Variants in HLCS observed in about 807,000 individuals in gnomAD.
HLCS encodes holocarboxylase synthetase, also known as biotin--protein ligase.
In HLCS, 53 loss-of-function variants were observed where a neutral mutation model predicts 75.0. The observed-to-expected ratio is 0.71, with a 90% confidence interval of 0.57 to 0.89. HLCS has a LOEUF of 0.89. Among genes scored for constraint, HLCS ranks in the 40% least tolerant of loss-of-function variants. HLCS has a pLI of 0.00. For missense variants in HLCS, 966 were observed against 1,074.0 expected (o/e 0.90, Z 1.41); for synonymous variants, 431 against 428.6 (o/e 1.01, Z -0.07).
intron 6 of HLCS, among the ~76,000 whole-genome samples, chr21:36,878,087 G>A (rs1010621888): frequency 6.6e-6 from 1 of 151,868 alleles, no homozygotes; most frequent in Non-Finnish European, 1.5e-5. Flanking sequence ...ATCTGGCTTG[G>A]AGTTTGCTGA....
chr21:36,797,981 T>C (rs150101865), intron 6 of HLCS, among the ~76,000 whole-genome samples: 1,663 of 152,238 alleles, frequency 0.011, 11 homozygotes, highest in Non-Finnish European at 0.017. Context: ...GTTGTGGGGT[T>C]AGAGAAGAAG....
intron 6 of HLCS, among the ~76,000 whole-genome samples, chr21:36,872,252 C>A (rs1018016353): frequency 6.6e-6 from 1 of 152,036 alleles, no homozygotes; most frequent in African/African-American, 2.4e-5. Context: ...GAAACCCCGT[C>A]TCTACTAAAA....
At chr21:36,792,212 C>G (rs1225827483) in intron 6 of HLCS, among the ~76,000 whole-genome samples, 2 of 152,082 alleles carry the variant, frequency 1.3e-5, no homozygotes. Flanking sequence ...CGGCGGCTAC[C>G]CCGCAGGCTC....
At position 36,896,956 on chromosome 21, in the gene HLCS, T is replaced by C. The variant is rs1274288652; in HGVS notation, c.1796A>G (p.Asn599Ser). Residue 599 changes from asparagine (N) to serine (S), a missense_variant, in exon 6 of 11, where the codon AAC becomes AGC. Coordinates refer to ENST00000674895, the MANE Select transcript of HLCS (RefSeq NM_001352514.2). ...NMEAFSSEHF[N>S]LEIYRQNLQT... ...CAGATTTTGGCGATAGATCTCTAAGTTGAAATGTTCTGATGAGAAGGCCTC... is the reference window on the plus strand; with the variant it reads ...CAGATTTTGGCGATAGATCTCTAAGCTGAAATGTTCTGATGAGAAGGCCTC... 1.2e-5 allele frequency: 19 copies of C among 1,614,038 alleles called. No homozygotes were observed. The highest frequency in any genetic ancestry group is 1.5e-5 in the Non-Finnish European group (18 of 1,180,040).
chr21:36,804,960 C>G lies in HLCS; in HGVS notation c.1893-37675G>C, dbSNP rs568840105. Reference sequence around the variant, plus strand: ...GTTGACAAACTGTCTCTCCATGGTTCCCTCTTAACAGCTCCATGAGGTGGC... The same window carrying G: ...GTTGACAAACTGTCTCTCCATGGTTGCCTCTTAACAGCTCCATGAGGTGGC... On this transcript the variant is annotated intron_variant, in intron 6 of 10. Transcript: ENST00000674895. Among the ~76,000 whole-genome samples, 27 of 152,246 alleles carry G rather than the reference C, an allele frequency of 1.8e-4. No individual in the cohort carries two copies. In the South Asian group the frequency reaches 5.6e-3, roughly 32 times the overall value.
chr21:36,853,804 G>A (rs1396798405), intron 6 of HLCS, among the ~76,000 whole-genome samples: 2 of 152,132 alleles, frequency 1.3e-5, no homozygotes, highest in Non-Finnish European at 2.9e-5. Context: ...ACTGATGAGA[G>A]TGCAATATAA....
At chr21:36,844,605 G>A (rs2062730918) in intron 6 of HLCS, among the ~76,000 whole-genome samples, 1 of 152,060 alleles carries the variant, frequency 6.6e-6, no homozygotes, top group Non-Finnish European at 1.5e-5. Flanking sequence ...TCAGGGTTTT[G>A]TGCTTGTATG....
chr21:36,799,323 A>G (rs1462008965), intron 6 of HLCS, among the ~76,000 whole-genome samples: 3 of 152,214 alleles, frequency 2.0e-5, no homozygotes, highest in Admixed American at 1.3e-4. Context: ...TCAACTGGCC[A>G]CACACAGGTG....
At chr21:36,896,268 T>C (rs1389577284) in intron 6 of HLCS, among the ~76,000 whole-genome samples, 1 of 152,228 alleles carries the variant, frequency 6.6e-6, no homozygotes, top group Non-Finnish European at 1.5e-5. Context: ...GAGCAACCCT[T>C]GAGCTCAGAA....
At chr21:36,815,403 CTG>C (rs2061633820) in intron 6 of HLCS, among the ~76,000 whole-genome samples, 1 of 152,164 alleles carries the variant, frequency 6.6e-6, no homozygotes, top group African/African-American at 2.4e-5. Flanking sequence ...TAATTCTGCA[CTG>C]TGAGAAATAA....
chr21:36,749,631 A>G lies in HLCS; in HGVS notation c.*4615T>C, dbSNP rs1169604384. ...TGCCCGCCTCTCCACGCACTCAGCT[A>G]TACCTCATTCACAGCTCCTTGTGAG... On this transcript the variant is annotated 3_prime_UTR_variant, in exon 11 of 11. Transcript: ENST00000674895. The G allele has an allele frequency of 1.3e-5, 2 of 152,206 alleles. No individual in the cohort carries two copies. The highest frequency in any genetic ancestry group is 4.8e-5 in the African/African-American group (2 of 41,448). The allele number at this position is 152,206 out of a possible 1,614,324, so 9.4% of individuals were successfully genotyped here.
At chr21:36,859,300 C>T (rs2063307003) in intron 6 of HLCS, among the ~76,000 whole-genome samples, 1 of 152,180 alleles carries the variant, frequency 6.6e-6, no homozygotes, top group South Asian at 2.1e-4. Flanking sequence ...GGATTACAGG[C>T]GTGAGCCACC....
intron 9 of HLCS, 62 bp downstream of exon 9, chr21:36,759,665 C>T (rs748056268): frequency 1.5e-5 from 15 of 976,710 alleles, no homozygotes; most frequent in African/African-American, 6.4e-5. Context: ...ATGCATAAAC[C>T]GTCTTTATTT....
intron 6 of HLCS, among the ~76,000 whole-genome samples, chr21:36,845,549 A>G (rs919884932): frequency 6.6e-6 from 1 of 152,122 alleles, no homozygotes; most frequent in Admixed American, 6.5e-5. Context: ...AGGCTCATTC[A>G]TGTCAGAGGC....
At position 36,973,053 on chromosome 21, in the gene HLCS, G is replaced by GAA. The variant is rs573920981; in HGVS notation, c.-392-10885_-392-10884dup. ...CAACACAGGGAAACCCCATCTCTAT[G>GAA]AAAAAAAAAACAAAACATTTTTTTA... On this transcript the variant is annotated intron_variant, in intron 1 of 11. Coordinates refer to the HLCS transcript ENST00000336648. 4.0e-4 allele frequency among the ~76,000 whole-genome samples: 59 copies of GAA among 147,388 alleles called. No homozygotes were observed. In the South Asian group the frequency reaches 5.8e-3, roughly 15 times the overall value.
chr21:36,783,006 A>G (rs1052295932), intron 6 of HLCS, among the ~76,000 whole-genome samples: 4 of 151,662 alleles, frequency 2.6e-5, no homozygotes, highest in Admixed American at 6.6e-5. Context: ...AACAAAGAAA[A>G]CCTCCAGAAA....
chr21:36,799,326 C>T (rs13047304), intron 6 of HLCS, among the ~76,000 whole-genome samples: 69,907 of 152,108 alleles, frequency 0.46, 16,834 homozygotes, highest in African/African-American at 0.59. Context: ...ACTGGCCACA[C>T]ACAGGTGAGT....
chr21:36,765,012 C>A lies in HLCS; in HGVS notation c.2121G>T (p.Gln707His). 1 of 1,614,234 alleles carries A rather than the reference C, an allele frequency of 6.2e-7. No individual in the cohort carries two copies. Among genetic ancestry groups the A allele is most frequent in the Non-Finnish European group, 8.5e-7 (1 of 1,180,022 alleles). ...VEAVRSIPEY[Q>H]DINLRVKWPN... ...TAGAAGGAGACTGAACTGTACCTAC[C>A]TGATACTCGGGAATGGACCTCACTG... The change falls in exon 8 of 11, where the codon CAG becomes CAT. Residue 707 changes from glutamine to histidine, a missense_variant and splice_region_variant. Physicochemically the swap from Gln to His is conservative, Grantham distance 24. Transcript: ENST00000674895.
chr21:36,825,146 C>T (rs1193559159), intron 6 of HLCS, among the ~76,000 whole-genome samples: 1 of 152,166 alleles, frequency 6.6e-6, no homozygotes, highest in Non-Finnish European at 1.5e-5. Flanking sequence ...CTTTGGGAAA[C>T]TGAGGCAAGA....
Sources: gnomAD v4.1 joint callset for allele counts (sites outside exome capture counted in the v4.1 genomes callset) on GRCh38, gnomAD v4.1.1 for gene constraint, MANE v1.5 for transcripts, NCBI Gene and HGNC (gene_info 2026-07-23, HGNC 2026-07-21) for gene names.